The following MDGA1 variants were observed in gnomAD, a reference collection of about 807,000 sequenced individuals.
MDGA1 encodes MAM domain-containing glycosylphosphatidylinositol anchor protein 1.
A neutral mutation model predicts 101.5 loss-of-function variants in MDGA1; 54 were observed. The ratio of observed to expected loss-of-function variants is 0.53; its 90% CI spans 0.43 to 0.67. The LOEUF is 0.67. MDGA1 is among the 30% of genes least tolerant of loss of function. MDGA1 has a pLI of 0.00. For missense variants in MDGA1, 1,083 were observed against 1,323.8 expected, an observed-to-expected ratio of 0.82 and a Z score of 2.82; for synonymous variants, 533 against 558.3, an observed-to-expected ratio of 0.95 and a Z score of 0.64.
rs1223038485 is a variant in MDGA1, at chr6:37,652,596, G to A, written c.983-256C>T. Among the ~76,000 whole-genome samples, 1 of 152,206 alleles carries A rather than the reference G, an allele frequency of 6.6e-6. No individual in the cohort carries two copies. The highest frequency in any genetic ancestry group is 1.5e-5 in the Non-Finnish European group (1 of 68,044). On this transcript the variant is annotated intron_variant, in intron 6 of 16. Coordinates refer to ENST00000434837, the MANE Select transcript of MDGA1 (RefSeq NM_153487.4). This position sits in a 1 kb window ranked among gnomAD's most constrained non-coding sequence, Gnocchi z 4.3. ...TAACAGAATATACACTATGTGAGAG[G>A]CACTGTTCCAAGCACTTAACATGGA... is the stretch of plus-strand genomic sequence containing the variant.
At chr6:37,673,516 T>C (rs1356691781) in intron 1 of MDGA1, among the ~76,000 whole-genome samples, 1 of 152,244 alleles carries the variant, frequency 6.6e-6, no homozygotes, top group Non-Finnish European at 1.5e-5. Flanking sequence ...CGCCTGGGCC[T>C]CCTTCTGCCA....
At chr6:37,645,410 T>C (rs926795622) in intron 12 of MDGA1, among the ~76,000 whole-genome samples, 27 of 152,126 alleles carry the variant, frequency 1.8e-4, no homozygotes, top group South Asian at 2.1e-4. Flanking sequence ...GGCACATGCC[T>C]GTAATCCCAG....
chr6:37,673,422 G>A (rs1419008538), intron 1 of MDGA1, among the ~76,000 whole-genome samples: 1 of 152,226 alleles, frequency 6.6e-6, no homozygotes, highest in Non-Finnish European at 1.5e-5. Context: ...ATATTAACAG[G>A]CTTTTCTCTT....
intron 1 of MDGA1, among the ~76,000 whole-genome samples, chr6:37,678,634 A>G (rs13196308): frequency 0.034 from 5,219 of 152,054 alleles, 136 homozygotes; most frequent in Middle Eastern, 0.085. Flanking sequence ...TCAGTCTTCA[A>G]GCAGGCCTGG....
intron 10 of MDGA1, among the ~76,000 whole-genome samples, chr6:37,646,916 G>A (rs988778939): frequency 3.9e-5 from 6 of 152,012 alleles, no homozygotes; most frequent in South Asian, 2.1e-4. Flanking sequence ...CCTCCCCCAC[G>A]AACCCAGCAG....
intron 2 of MDGA1, among the ~76,000 whole-genome samples, chr6:37,659,707 T>C (rs182032114): frequency 6.6e-6 from 1 of 152,270 alleles, no homozygotes; most frequent in Admixed American, 6.5e-5. Context: ...GCAACCTTTC[T>C]CATGCAGGGA....
At chr6:37,683,590 C>T (rs1022560889) in intron 1 of MDGA1, among the ~76,000 whole-genome samples, 4 of 152,188 alleles carry the variant, frequency 2.6e-5, no homozygotes, top group East Asian at 1.9e-4. Flanking sequence ...TTAGGAGTAC[C>T]GGGAATTAAC....
chr6:37,655,515 T>C lies in MDGA1; in HGVS notation c.579+185A>G, dbSNP rs1002851618. 1 of 585,724 alleles carries C rather than the reference T, an allele frequency of 1.7e-6. No homozygotes were observed. 36.3% of individuals were successfully genotyped at this position (585,724 alleles called of 1,614,324 possible). ...TCGGGGACACTCCTGCCCTCATTGCTGCTCCCTGACCTTTCCATCTGATTT... is the reference window on the plus strand; with the variant it reads ...TCGGGGACACTCCTGCCCTCATTGCCGCTCCCTGACCTTTCCATCTGATTT... On this transcript the variant is annotated intron_variant, in intron 4 of 16. Coordinates refer to ENST00000434837, the MANE Select transcript of MDGA1 (RefSeq NM_153487.4). The surrounding 1 kb of genome is among the most constrained non-coding windows in gnomAD (Gnocchi z 5.1).
At position 37,638,228 on chromosome 6, in the gene MDGA1, C is replaced by A; in HGVS notation, c.2753G>T (p.Arg918Leu). 2 of 1,613,736 alleles carry A rather than the reference C, an allele frequency of 1.2e-6. No homozygotes were observed. The highest frequency in any genetic ancestry group is 1.3e-5 in the African/African-American group (1 of 75,002). Residue 918 changes from arginine (R) to leucine (L), a missense_variant, in exon 16 of 17, where the codon CGG becomes CTG. Transcript: ENST00000434837. This position sits in a 1 kb window ranked among gnomAD's most constrained non-coding sequence, Gnocchi z 4.8. ...DVTLKKGECP[R>L]KQTDPNKVVV... ...ACCTTTATTGGGATCCGTCTGCTTC[C>A]GGGGACACTCCCCCTTCTTCAGTGT...
Position 37,637,261 on chromosome 6 carries a change from C to T in MDGA1, c.*107G>A, listed in dbSNP as rs1018881591. 3.5e-6 allele frequency: 3 copies of T among 853,906 alleles called. No homozygotes were observed. Among genetic ancestry groups the T allele is most frequent in the African/African-American group, 1.7e-5 (1 of 59,792 alleles). The allele number at this position is 853,906 out of a possible 1,614,324, so 52.9% of individuals were successfully genotyped here. A position where few individuals can be genotyped will look rare whatever the true frequency, so the allele number is the denominator to read the frequency against. ...CAATGCAGGCCCCCTCCCTGGCGGG[C>T]CGGCCCTGCCCCTGGGCACCCCAGC... is the stretch of plus-strand genomic sequence containing the variant. On this transcript the variant is annotated 3_prime_UTR_variant, in exon 17 of 17. Transcript: ENST00000434837.
chr6:37,673,506 C>T (rs368423110), intron 1 of MDGA1, among the ~76,000 whole-genome samples: 9 of 152,224 alleles, frequency 5.9e-5, no homozygotes, highest in South Asian at 4.1e-4. Flanking sequence ...TGGCCTGCTC[C>T]GCCTGGGCCT....
Position 37,650,201 on chromosome 6 carries a change from C to G in MDGA1, c.1517G>C (p.Arg506Pro). Residue 506 changes from arginine to proline, a missense_variant, in exon 8 of 17, where the codon CGA (arginine) becomes CCA (proline). Arg to Pro is a moderately radical substitution (Grantham distance 103, BLOSUM62 -2). Transcript: ENST00000434837. ...DGKLRLERVS[R>P]DMSGTYRCQT... ...GCAGCGGTAGGTCCCGCTCATGTCT[C>G]GGCTCACTCGCTCCAGCCGCAGCTT... is the stretch of plus-strand genomic sequence containing the variant. 1 of 1,612,906 alleles carries G rather than the reference C, an allele frequency of 6.2e-7. No individual in the cohort carries two copies. Among genetic ancestry groups the G allele is most frequent in the Non-Finnish European group, 8.5e-7 (1 of 1,179,744 alleles).
At position 37,696,941 on chromosome 6, in the gene MDGA1, G is replaced by C; in HGVS notation, c.-130C>G. 1.3e-6 allele frequency: 1 copy of C among 769,736 alleles called. No homozygotes were observed. Among genetic ancestry groups the C allele is most frequent in the Non-Finnish European group, 2.2e-6 (1 of 453,156 alleles). 47.7% of individuals were successfully genotyped at this position (769,736 alleles called of 1,614,324 possible). A position where few individuals can be genotyped will look rare whatever the true frequency, so the allele number is the denominator to read the frequency against. On this transcript the variant is annotated 5_prime_UTR_variant, in exon 1 of 17. Coordinates refer to ENST00000434837, the MANE Select transcript of MDGA1 (RefSeq NM_153487.4). The surrounding 1 kb of genome is among the most constrained non-coding windows in gnomAD (Gnocchi z 5.6). ...GAGAGGTGAGAGAGAGAGCGGCGAC[G>C]AAGACCAGGAGACTGAAGAGGCGGA...
Position 37,645,927 on chromosome 6 carries a change from T to A in MDGA1, c.2248+6A>T. ...GGGGAAGTCATGGGTGACTGGGGAGTCTCACCTGAAAGGTTCGGAGAGTTG... is the reference window on the plus strand; with the variant it reads ...GGGGAAGTCATGGGTGACTGGGGAGACTCACCTGAAAGGTTCGGAGAGTTG... On this transcript the variant is annotated splice_donor_region_variant and intron_variant, in intron 12 of 16. Coordinates refer to ENST00000434837, the MANE Select transcript of MDGA1 (RefSeq NM_153487.4). 1 of 1,613,904 alleles carries A rather than the reference T, an allele frequency of 6.2e-7. No individual in the cohort carries two copies.
In MDGA1 at chr6:37,635,309, G is replaced by A; in HGVS notation, c.*2059C>T. The A allele has an allele frequency of 2.5e-6, 1 of 397,518 alleles. No homozygotes were observed. 24.6% of individuals were successfully genotyped at this position (397,518 alleles called of 1,614,324 possible). A position where few individuals can be genotyped will look rare whatever the true frequency, so the allele number is the denominator to read the frequency against. ...CCAGGCTCACTTGTGCTGGGCACGA[G>A]CGGGAGGTGGCGAAGGTGGAGGGGG... is the stretch of plus-strand genomic sequence containing the variant. On this transcript the variant is annotated 3_prime_UTR_variant, in exon 17 of 17. Coordinates refer to ENST00000434837, the MANE Select transcript of MDGA1 (RefSeq NM_153487.4).
Position 37,635,164 on chromosome 6 carries a change from C to G in MDGA1, c.*2204G>C, listed in dbSNP as rs1763897220. On this transcript the variant is annotated 3_prime_UTR_variant, in exon 17 of 17. Coordinates refer to ENST00000434837, the MANE Select transcript of MDGA1 (RefSeq NM_153487.4). ...CTCCAGTCCAATTAACTCAGAACCT[C>G]TGAGGTGGGAACCAAGCAGCAATAC... The G allele has an allele frequency of 3.5e-6, 1 of 284,506 alleles. No homozygotes were observed. The highest frequency in any genetic ancestry group is 5.3e-5 in the Admixed American group (1 of 19,038). The allele number at this position is 284,506 out of a possible 1,614,324, so 17.6% of individuals were successfully genotyped here.
At chr6:37,688,108 T>C (rs3887743) in intron 1 of MDGA1, among the ~76,000 whole-genome samples, 22,744 of 152,258 alleles carry the variant, frequency 0.15, 1,868 homozygotes, top group Middle Eastern at 0.27. Context: ...AAACTAAGCT[T>C]GGGCAGTAAC....
Position 37,638,427 on chromosome 6 carries a change from G to T in MDGA1, c.2667+110C>A. ...TCTACCTGGAAGTTCCCCCTAACCT[G>T]ACTCTTTCCATCCTTAGCCCCCAGG... On this transcript the variant is annotated intron_variant, in intron 15 of 16. Coordinates refer to ENST00000434837, the MANE Select transcript of MDGA1 (RefSeq NM_153487.4). The surrounding 1 kb of genome is among the most constrained non-coding windows in gnomAD (Gnocchi z 4.8). 1 of 1,553,190 alleles carries T rather than the reference G, an allele frequency of 6.4e-7. No individual in the cohort carries two copies.
In MDGA1 at chr6:37,654,652, T is replaced by C. The variant is rs73413383; in HGVS notation, c.713-109A>G. 1.2e-3 allele frequency: 1,853 copies of C among 1,551,880 alleles called. 32 individuals carry two copies. The African/African-American group carries it at 0.022, about 18-fold the overall frequency. On this transcript the variant is annotated intron_variant, in intron 5 of 16. Coordinates refer to ENST00000434837, the MANE Select transcript of MDGA1 (RefSeq NM_153487.4). Reference sequence around the variant, plus strand: ...AGGCTGGAGAAGCCCTCAGGGGAGATGAGAGGGGAGAAGACGGAGCAGGAA... The same window carrying C: ...AGGCTGGAGAAGCCCTCAGGGGAGACGAGAGGGGAGAAGACGGAGCAGGAA...
Sources: allele counts gnomAD v4.1 joint callset (sites outside exome capture counted in the v4.1 genomes callset), GRCh38; gene constraint gnomAD v4.1.1; non-coding constraint Gnocchi (gnomAD v3.1); transcripts MANE v1.5; gene names NCBI Gene and HGNC (gene_info 2026-07-23, HGNC 2026-07-21).